Variants in LRRC9 observed in about 807,000 individuals in gnomAD.
LRRC9 encodes leucine rich repeat containing 9.
LRRC9 carries 122 observed loss-of-function variants against 63.2 expected under a neutral mutation model. The observed-to-expected ratio is 1.93, with a 90% CI of 1.67 to 2.24. The LOEUF is 2.24. Among genes scored for constraint, LRRC9 ranks in the 30% most tolerant of loss-of-function variants. The probability of loss-of-function intolerance (pLI) is 0.00; values close to 1 mark genes in which losing one functional copy is unlikely to be tolerated. For synonymous variants in LRRC9, 366 were observed against 213.1 expected, an observed-to-expected ratio of 1.72 and a Z score of -6.25; for missense variants, 1,071 against 627.7, an observed-to-expected ratio of 1.71 and a Z score of -7.55.
At position 60,021,678 on chromosome 14, in the gene LRRC9, G is replaced by A. The variant is rs543312314; in HGVS notation, c.3567-1056G>A. 1.1e-3 allele frequency among the ~76,000 whole-genome samples: 166 copies of A among 151,974 alleles called. 3 individuals carry two copies. The South Asian group carries it at 0.032, about 29-fold the overall frequency. On this transcript the variant is annotated intron_variant, in intron 26 of 31. Transcript: ENST00000445360. ...TTTGTGTATGTTGTGAGGTAGGAGT[G>A]AGGTCTAAATCTATTTTTGTATGTG...
At chr14:59,975,066 A>G (rs201044469) in intron 13 of LRRC9, among the ~76,000 whole-genome samples, 1,685 of 14,104 alleles carry the variant, frequency 0.12, 284 homozygotes, top group East Asian at 0.53. Flanking sequence ...GAACTAAACT[A>G]TGTGTGTGTG....
intron 28 of LRRC9, among the ~76,000 whole-genome samples, chr14:60,029,986 T>C (rs1200238999): frequency 6.6e-6 from 1 of 152,128 alleles, no homozygotes; most frequent in Non-Finnish European, 1.5e-5. Context: ...AGGAAGGTTA[T>C]GTTGGAAATT....
At chr14:60,002,898 A>T (rs1249954900) in intron 20 of LRRC9, among the ~76,000 whole-genome samples, 2 of 152,214 alleles carry the variant, frequency 1.3e-5, no homozygotes, top group Non-Finnish European at 2.9e-5. Flanking sequence ...TCAAGCCAAA[A>T]TTCAGACAGC....
At chr14:60,056,653 AT>A (rs879896592) in intron 30 of LRRC9, among the ~76,000 whole-genome samples, 51 of 152,110 alleles carry the variant, frequency 3.4e-4, no homozygotes, top group Non-Finnish European at 6.3e-4. Context: ...ATTAAATATT[AT>A]TTTTTATCTA....
At chr14:59,976,974 T>A (rs1886355603) in intron 13 of LRRC9, among the ~76,000 whole-genome samples, 1 of 152,206 alleles carries the variant, frequency 6.6e-6, no homozygotes, top group Admixed American at 6.5e-5. Context: ...TTCTCCCTCT[T>A]CTGTAAAGCT....
At chr14:59,945,158 A>C (rs1003697489) in intron 8 of LRRC9, among the ~76,000 whole-genome samples, 2 of 151,898 alleles carry the variant, frequency 1.3e-5, no homozygotes, top group African/African-American at 4.8e-5. Context: ...AAAAAAAAAA[A>C]ACCCTTTCCT....
chr14:59,976,381 T>C (rs1033085037), intron 13 of LRRC9, among the ~76,000 whole-genome samples: 4 of 152,162 alleles, frequency 2.6e-5, no homozygotes, highest in Admixed American at 2.0e-4. Context: ...TACTAAAGAT[T>C]GGGTAGTCAG....
At position 59,932,861 on chromosome 14, in the gene LRRC9, A is replaced by G. The variant is rs1889817595; in HGVS notation, c.543+822A>G. ...GATGGAACCTTTAAAAATCTGTCAG[A>G]TAAAAATCACCCTTCTGCTTAAAAC... On this transcript the variant is annotated intron_variant, in intron 6 of 31. Transcript: ENST00000445360. This position sits in a 1 kb window ranked among gnomAD's most constrained non-coding sequence, Gnocchi z 4.7. 6.6e-6 allele frequency among the ~76,000 whole-genome samples: 1 copy of G among 152,136 alleles called. No homozygotes were observed. Among genetic ancestry groups the G allele is most frequent in the Non-Finnish European group, 1.5e-5 (1 of 68,004 alleles).
intron 12 of LRRC9, among the ~76,000 whole-genome samples, chr14:59,968,740 G>C (rs1410941589): frequency 6.6e-6 from 1 of 152,130 alleles, no homozygotes; most frequent in South Asian, 2.1e-4. Flanking sequence ...GGAAGGATGA[G>C]GCTAACACTT....
intron 4 of LRRC9, 62 bp from the exon 5 acceptor site, chr14:59,931,557 G>A (rs1889702724): frequency 1.5e-6 from 1 of 672,926 alleles, no homozygotes; most frequent in South Asian, 1.6e-5. Context: ...ATTAATCAGA[G>A]ATGATTTGTA....
chr14:59,961,857 A>G (rs951441216), intron 10 of LRRC9, among the ~76,000 whole-genome samples: 1 of 152,238 alleles, frequency 6.6e-6, no homozygotes, highest in African/African-American at 2.4e-5. Flanking sequence ...TGTGAAACAG[A>G]GAAAGATTGC....
chr14:59,938,960 C>CACATATAT lies in LRRC9; in HGVS notation c.726+408_726+415dup, dbSNP rs200286471. ...ATATACATATACATACATATATACA[C>CACATATAT]ACATATATACATATATACATATATA... On this transcript the variant is annotated intron_variant, in intron 7 of 31. Coordinates refer to ENST00000445360, the Ensembl canonical transcript of LRRC9. This position sits in a 1 kb window ranked among gnomAD's most constrained non-coding sequence, Gnocchi z 4.2. Among the ~76,000 whole-genome samples the CACATATAT allele has an allele frequency of 3.9e-3, 558 of 143,016 alleles. 9 individuals carry two copies. Among genetic ancestry groups the CACATATAT allele is most frequent in the African/African-American group, 0.014 (521 of 37,868 alleles). 93.8% of individuals were successfully genotyped at this position (143,016 alleles called of 152,430 possible).
chr14:60,044,852 CTGGA>C (rs1893273415), intron 29 of LRRC9, among the ~76,000 whole-genome samples: 1 of 152,072 alleles, frequency 6.6e-6, no homozygotes, highest in Non-Finnish European at 1.5e-5. Flanking sequence ...AACGTTCTGT[CTGGA>C]TGATCTGTTC....
Position 60,031,683 on chromosome 14 carries a change from A to G in LRRC9, c.3922-312A>G, listed in dbSNP as rs1054394447. Among the ~76,000 whole-genome samples, 3 of 152,040 alleles carry G rather than the reference A, an allele frequency of 2.0e-5. No homozygotes were observed. Among genetic ancestry groups the G allele is most frequent in the Non-Finnish European group, 4.4e-5 (3 of 67,948 alleles). On this transcript the variant is annotated intron_variant, in intron 28 of 31. Coordinates refer to ENST00000445360, the Ensembl canonical transcript of LRRC9. This position sits in a 1 kb window ranked among gnomAD's most constrained non-coding sequence, Gnocchi z 4.6. The stretch of plus-strand genomic sequence containing the variant: ...TTCTGGTCAATGTGCTGGAGGAATT[A>G]ACCAAATATAATATGAGTCCTAGAA...
chr14:59,997,018 A>G (rs1398496900), intron 17 of LRRC9, among the ~76,000 whole-genome samples: 1 of 152,162 alleles, frequency 6.6e-6, no homozygotes, highest in African/African-American at 2.4e-5. Context: ...AAAAAATGTT[A>G]AAAGGATACA....
chr14:60,032,489 C>G (rs1892073668), intron 29 of LRRC9, among the ~76,000 whole-genome samples: 1 of 152,118 alleles, frequency 6.6e-6, no homozygotes, highest in South Asian at 2.1e-4. Context: ...ACTAACTCCT[C>G]AAGTTACATG....
chr14:59,938,565 T>A lies in LRRC9; in HGVS notation c.719T>A (p.Leu240Gln). 1 of 692,264 alleles carries A rather than the reference T, an allele frequency of 1.4e-6. No homozygotes were observed. The allele number at this position is 692,264 out of a possible 1,614,324, so 42.9% of individuals were successfully genotyped here. The change falls in exon 7 of 32, where the codon CTG becomes CAG. Residue 240 changes from leucine (L) to glutamine (Q), a missense_variant. Transcript: ENST00000445360. The surrounding 1 kb of genome is among the most constrained non-coding windows in gnomAD (Gnocchi z 4.2). ...GTGTCAGCAAAGCAAATCAAGGAAC[T>A]GGCAGATGTAAGTACATCCCTAATC...
exon 9 of LRRC9, chr14:59,959,884 A>G (rs1302640320): frequency 2.9e-6 from 2 of 699,522 alleles, no homozygotes; most frequent in Non-Finnish European, 2.6e-6. Flanking sequence ...CAATAACAGT[A>G]AAGTAACTGA....
chr14:59,965,707 C>T (rs1343506213), intron 10 of LRRC9, among the ~76,000 whole-genome samples: 1 of 151,600 alleles, frequency 6.6e-6, no homozygotes, highest in Non-Finnish European at 1.5e-5. Flanking sequence ...CACGGTGAAA[C>T]CCCGTCTGTA....
Sources: gnomAD v4.1 joint callset for allele counts (sites outside exome capture counted in the v4.1 genomes callset) on GRCh38, gnomAD v4.1.1 for gene constraint, Gnocchi (gnomAD v3.1) non-coding constraint, MANE v1.5 for transcripts, NCBI Gene and HGNC (gene_info 2026-07-23, HGNC 2026-07-21) for gene names.